Variants in SIK2 observed in about 807,000 individuals in gnomAD.
SIK2 encodes salt inducible kinase 2.
Under a neutral mutation model 103.2 loss-of-function variants are expected in SIK2, and 29 were observed. The ratio of observed to expected loss-of-function variants is 0.28; its 90% CI spans 0.21 to 0.38. The LOEUF (loss-of-function observed/expected upper bound fraction) is 0.38, where lower values mean the gene tolerates loss of function less well. SIK2 is among the 10% of genes least tolerant of loss of function. SIK2 has a pLI of 1.00. For synonymous variants in SIK2, 412 were observed against 446.1 expected (o/e 0.92, Z 0.96); for missense variants, 879 against 1,171.0 (o/e 0.75, Z 3.64).
chr11:111,618,099 G>A (rs770632721), intron 2 of SIK2, among the ~76,000 whole-genome samples: 34 of 152,082 alleles, frequency 2.2e-4, no homozygotes, highest in African/African-American at 5.8e-4. Context: ...GACCAGTTTC[G>A]TGGAAGGCAA....
intron 2 of SIK2, among the ~76,000 whole-genome samples, chr11:111,618,986 T>A (rs973018447): frequency 2.0e-5 from 3 of 152,204 alleles, no homozygotes; most frequent in African/African-American, 7.2e-5. Flanking sequence ...GCCTCCCACG[T>A]TGGCCTCTCA....
rs138067295 is a variant in SIK2, at chr11:111,605,593, T to G, written c.135+2895T>G. On this transcript the variant is annotated intron_variant, in intron 1 of 14. Coordinates refer to ENST00000304987, the MANE Select transcript of SIK2 (RefSeq NM_015191.3). Reference sequence around the variant, plus strand: ...GATACAAGTTTGTGTGTTTTAAAACTTAGAGGTCTTTTTTCCCAAGTTTGA... The same window carrying G: ...GATACAAGTTTGTGTGTTTTAAAACGTAGAGGTCTTTTTTCCCAAGTTTGA... 8.0e-3 allele frequency among the ~76,000 whole-genome samples: 1,216 copies of G among 152,320 alleles called. 27 individuals are homozygous for G. The highest frequency in any genetic ancestry group is 0.027 in the African/African-American group (1,136 of 41,572).
chr11:111,667,146 G>A (rs937873285), intron 3 of SIK2, among the ~76,000 whole-genome samples: 5 of 151,712 alleles, frequency 3.3e-5, no homozygotes, highest in Admixed American at 2.0e-4. Context: ...ATGGGGTTTC[G>A]ACATGTTGGC....
rs1431738134 is a variant in SIK2 at position 111,602,555 on chromosome 11, G to C, written c.-9G>C. 7.3e-6 allele frequency: 11 copies of C among 1,507,256 alleles called. No individual in the cohort carries two copies. The Admixed American group carries it at 1.1e-4, about 15-fold the overall frequency. 93.4% of individuals were successfully genotyped at this position (1,507,256 alleles called of 1,614,324 possible). A position where few individuals can be genotyped will look rare whatever the true frequency, so the allele number is the denominator to read the frequency against. On this transcript the variant is annotated 5_prime_UTR_variant, in exon 1 of 15. Transcript: ENST00000304987. The surrounding 1 kb of genome is among the most constrained non-coding windows in gnomAD (Gnocchi z 4.5). ...CTCCTGTCCGCCGTGTCTAGCAGCG[G>C]GGCCCAGCATGGTCATGGCGGATGG...
chr11:111,633,363 T>C (rs2135850426), intron 3 of SIK2, among the ~76,000 whole-genome samples: 1 of 152,346 alleles, frequency 6.6e-6, no homozygotes, highest in Middle Eastern at 3.4e-3. Context: ...TAATAGATTG[T>C]AAGCTTCTGT....
At chr11:111,655,147 A>G (rs1219997025) in intron 3 of SIK2, among the ~76,000 whole-genome samples, 1 of 152,234 alleles carries the variant, frequency 6.6e-6, no homozygotes, top group Non-Finnish European at 1.5e-5. Flanking sequence ...CATGCCTGTG[A>G]TCCCAGCACT....
At chr11:111,654,218 T>G (rs1942363201) in intron 3 of SIK2, among the ~76,000 whole-genome samples, 1 of 152,176 alleles carries the variant, frequency 6.6e-6, no homozygotes, top group Non-Finnish European at 1.5e-5. Flanking sequence ...TCTTAAAAGC[T>G]CCAATGATTG....
At chr11:111,648,489 A>G (rs569343952) in intron 3 of SIK2, among the ~76,000 whole-genome samples, 8 of 152,200 alleles carry the variant, frequency 5.3e-5, no homozygotes, top group Non-Finnish European at 1.2e-4. Flanking sequence ...TCATGACCTA[A>G]TCATCTCCCA....
intron 3 of SIK2, among the ~76,000 whole-genome samples, chr11:111,683,927 C>T (rs1942810409): frequency 1.3e-5 from 2 of 152,304 alleles, no homozygotes; most frequent in South Asian, 4.1e-4. Context: ...GATTTCTCAG[C>T]AGATGTTACA....
At chr11:111,633,772 C>G (rs762212793) in intron 3 of SIK2, among the ~76,000 whole-genome samples, 3 of 152,126 alleles carry the variant, frequency 2.0e-5, no homozygotes, top group Non-Finnish European at 4.4e-5. Context: ...TTCTCCAGGA[C>G]TTTTATGGCA....
intron 14 of SIK2, among the ~76,000 whole-genome samples, chr11:111,723,284 C>T (rs548011140): frequency 6.6e-6 from 1 of 152,246 alleles, no homozygotes; most frequent in Admixed American, 6.5e-5. Context: ...TTCCTGCTCA[C>T]GTTAGTACTG....
Position 111,626,576 on chromosome 11 carries a change from C to T in SIK2, c.316+6174C>T, listed in dbSNP as rs117805440. On this transcript the variant is annotated intron_variant, in intron 3 of 14. Transcript: ENST00000304987. ...CCTCAGGTTAGGGTCCTCACTCTTC[C>T]TTCTCTGTATGTTGTGTCATTATCT... Among the ~76,000 whole-genome samples the T allele has an allele frequency of 2.8e-3, 428 of 152,042 alleles. 3 individuals are homozygous for T. The highest frequency in any genetic ancestry group is 5.0e-3 in the Admixed American group (77 of 15,278).
Position 111,701,631 on chromosome 11 carries a change from A to G in SIK2, c.727+56A>G. On this transcript the variant is annotated intron_variant, in intron 6 of 14. Transcript: ENST00000304987. This position sits in a 1 kb window ranked among gnomAD's most constrained non-coding sequence, Gnocchi z 4.2. The stretch of plus-strand genomic sequence containing the variant: ...TTTACAGTGTTAGTGCTCCAAGTGA[A>G]ATGCCTAGGTAAAAGCTTCTTTTTT... The G allele has an allele frequency of 6.3e-7, 1 of 1,579,030 alleles. No individual in the cohort carries two copies. Among genetic ancestry groups the G allele is most frequent in the Non-Finnish European group, 8.6e-7 (1 of 1,158,954 alleles).
At chr11:111,673,473 C>G (rs1565346461) in intron 3 of SIK2, among the ~76,000 whole-genome samples, 1 of 152,202 alleles carries the variant, frequency 6.6e-6, no homozygotes, top group Non-Finnish European at 1.5e-5. Flanking sequence ...GAATACTGCC[C>G]AAACTGGAGC....
At chr11:111,648,647 GTA>G (rs970754105) in intron 3 of SIK2, among the ~76,000 whole-genome samples, 6 of 150,634 alleles carry the variant, frequency 4.0e-5, no homozygotes, top group South Asian at 2.1e-4. Context: ...TATATTTCAT[GTA>G]TATATATATA....
At chr11:111,698,662 G>A (rs896194721) in intron 4 of SIK2, among the ~76,000 whole-genome samples, 1 of 152,158 alleles carries the variant, frequency 6.6e-6, no homozygotes, top group Non-Finnish European at 1.5e-5. Context: ...AGTGAGCTGA[G>A]ATCGTGCCAT....
At chr11:111,670,068 CGACT>C (rs1942604362) in intron 3 of SIK2, among the ~76,000 whole-genome samples, 1 of 152,044 alleles carries the variant, frequency 6.6e-6, no homozygotes, top group African/African-American at 2.4e-5. Flanking sequence ...TATTCTCCTC[CGACT>C]ATTTTGAACT....
chr11:111,703,555 T>A (rs552807787), intron 7 of SIK2, 132 bp downstream of exon 7: 1 of 718,026 alleles, frequency 1.4e-6, no homozygotes, highest in Non-Finnish European at 2.3e-6. Flanking sequence ...TCCCTATAGA[T>A]GACATCAGAC....
intron 3 of SIK2, among the ~76,000 whole-genome samples, chr11:111,637,882 A>T (rs1368416819): frequency 2.4e-4 from 36 of 151,116 alleles, no homozygotes; most frequent in Admixed American, 2.4e-3. Flanking sequence ...CTTCTCTGTG[A>T]TTTGTTTTTT....
Sources: allele counts gnomAD v4.1 joint callset (sites outside exome capture counted in the v4.1 genomes callset), GRCh38; gene constraint gnomAD v4.1.1; non-coding constraint Gnocchi (gnomAD v3.1); transcripts MANE v1.5; gene names NCBI Gene and HGNC (gene_info 2026-07-23, HGNC 2026-07-21).